Variants in UBE3D observed in about 807,000 individuals in gnomAD.
The protein encoded by UBE3D is ubiquitin protein ligase E3D, also known as E3 ubiquitin-protein ligase E3D.
A neutral mutation model predicts 49.6 loss-of-function variants in UBE3D; 48 were observed. The observed-to-expected ratio is 0.97, with a 90% CI of 0.77 to 1.23. UBE3D has a LOEUF of 1.23. UBE3D is among the 50% of genes most tolerant of loss of function. UBE3D has a pLI of 0.00. For synonymous variants in UBE3D, 189 were observed against 174.2 expected, an observed-to-expected ratio of 1.08 and a Z score of -0.67; for missense variants, 452 against 468.4, an observed-to-expected ratio of 0.96 and a Z score of 0.32.
chr6:82,983,433 GT>G (rs1262765103), intron 8 of UBE3D, among the ~76,000 whole-genome samples: 2 of 152,090 alleles, frequency 1.3e-5, no homozygotes, highest in Non-Finnish European at 2.9e-5. Context: ...ATCCCTGGTT[GT>G]TTTTAGTAGG....
chr6:83,009,298 A>G (rs1780190202), intron 8 of UBE3D, among the ~76,000 whole-genome samples: 1 of 152,158 alleles, frequency 6.6e-6, no homozygotes, highest in Non-Finnish European at 1.5e-5. Flanking sequence ...AGTTACCAAT[A>G]GGTAAATAAT....
At chr6:82,920,472 T>C (rs1418877840) in intron 9 of UBE3D, among the ~76,000 whole-genome samples, 1 of 152,218 alleles carries the variant, frequency 6.6e-6, no homozygotes, top group Non-Finnish European at 1.5e-5. Context: ...CCTTTTAAAA[T>C]AACAATGCAC....
Position 83,046,712 on chromosome 6 carries a change from C to T in UBE3D, c.366-2053G>A, listed in dbSNP as rs548487148. On this transcript the variant is annotated intron_variant, in intron 3 of 9. Coordinates refer to ENST00000369747, the MANE Select transcript of UBE3D (RefSeq NM_198920.3). ...GTGGCACCGGGGGAGCAGTACAGAT[C>T]CCTTTGAATATTTAAGAAAAGTGTT... 2.0e-5 allele frequency among the ~76,000 whole-genome samples: 3 copies of T among 148,168 alleles called. No individual in the cohort carries two copies. In the East Asian group the frequency reaches 6.0e-4, roughly 29 times the overall value.
At chr6:82,889,539 C>T (rs140459653), downstream of UBE3D, among the ~76,000 whole-genome samples, 1 of 152,292 alleles carries the variant, frequency 6.6e-6, no homozygotes, top group East Asian at 1.9e-4. Context: ...TTTAACAATG[C>T]AGCTCTTGAT....
At chr6:82,940,356 T>G (rs1224625617) in intron 9 of UBE3D, among the ~76,000 whole-genome samples, 1 of 152,146 alleles carries the variant, frequency 6.6e-6, no homozygotes, top group African/African-American at 2.4e-5. Flanking sequence ...TCAGAAATTG[T>G]TTTGAGGAGA....
rs577185286 is a variant in UBE3D at position 83,019,832 on chromosome 6, C to G, written c.847-696G>C. On this transcript the variant is annotated intron_variant, in intron 7 of 9. Transcript: ENST00000369747. ...TTGTTCTACCTTGAGACAAGAGTCCCTAGCTTTCTGTGCCCCAGGATCAAA... is the reference window on the plus strand; with the variant it reads ...TTGTTCTACCTTGAGACAAGAGTCCGTAGCTTTCTGTGCCCCAGGATCAAA... Among the ~76,000 whole-genome samples, 3 of 152,302 alleles carry G rather than the reference C, an allele frequency of 2.0e-5. No individual in the cohort carries two copies. The East Asian group carries it at 5.8e-4, about 29-fold the overall frequency.
chr6:82,948,212 G>A (rs1775541345), intron 9 of UBE3D, among the ~76,000 whole-genome samples: 1 of 151,836 alleles, frequency 6.6e-6, no homozygotes, highest in South Asian at 2.1e-4. Context: ...AACTGATACT[G>A]CAGAAACTCA....
At chr6:82,942,648 C>A (rs941609887) in intron 9 of UBE3D, among the ~76,000 whole-genome samples, 2 of 152,248 alleles carry the variant, frequency 1.3e-5, no homozygotes, top group African/African-American at 4.8e-5. Context: ...AGGGTGCAAG[C>A]CCCAAGCCCT....
intron 9 of UBE3D, among the ~76,000 whole-genome samples, chr6:82,945,747 A>T (rs1775356357): frequency 6.6e-6 from 1 of 152,210 alleles, no homozygotes; most frequent in Non-Finnish European, 1.5e-5. Flanking sequence ...TGTGTTGAGG[A>T]AATTCAATGA....
intron 8 of UBE3D, among the ~76,000 whole-genome samples, chr6:82,992,491 G>A (rs1384045484): frequency 1.3e-5 from 2 of 152,110 alleles, no homozygotes; most frequent in East Asian, 1.9e-4. Context: ...CCAAAGTGCT[G>A]GGATTACAGG....
intron 1 of UBE3D, 146 bp downstream of exon 1, chr6:83,065,496 A>G: frequency 4.2e-6 from 3 of 717,910 alleles, no homozygotes; most frequent in Non-Finnish European, 6.8e-6. Flanking sequence ...CTACAGGGGA[A>G]AGCTTCACTT....
At chr6:82,977,113 C>CAAAAAAAAAAAAAAAAAAA (rs58424434) in intron 8 of UBE3D, among the ~76,000 whole-genome samples, 2 of 42,572 alleles carry the variant, frequency 4.7e-5, no homozygotes, top group African/African-American at 1.1e-4. Flanking sequence ...GACTCCATCT[C>CAAAAAAAAAAAAAAAAAAA]AAAAAAAAAA....
chr6:82,906,451 T>C (rs1772107176), intron 9 of UBE3D, among the ~76,000 whole-genome samples: 1 of 152,218 alleles, frequency 6.6e-6, no homozygotes, highest in South Asian at 2.1e-4. Context: ...TAAAAACCTC[T>C]TCAACTTAGA....
chr6:82,895,131 T>C (rs2127711828), intron 9 of UBE3D, among the ~76,000 whole-genome samples: 1 of 152,090 alleles, frequency 6.6e-6, no homozygotes, highest in African/African-American at 2.4e-5. Context: ...GCCAATATGG[T>C]AAAACCCTGT....
intron 1 of UBE3D, among the ~76,000 whole-genome samples, chr6:83,064,004 C>T (rs1475246641): frequency 6.6e-6 from 1 of 151,950 alleles, no homozygotes; most frequent in East Asian, 1.9e-4. Flanking sequence ...AATAGGAGAA[C>T]AGATAAATGA....
intron 9 of UBE3D, among the ~76,000 whole-genome samples, chr6:82,949,412 G>A (rs150053129): frequency 6.6e-6 from 1 of 151,822 alleles, no homozygotes; most frequent in African/African-American, 2.4e-5. Context: ...TGGACTGGAA[G>A]AATCAATATT....
chr6:82,918,482 A>G (rs1402173435), intron 9 of UBE3D, among the ~76,000 whole-genome samples: 5 of 152,178 alleles, frequency 3.3e-5, no homozygotes, highest in Non-Finnish European at 7.3e-5. Context: ...TTACTCAGTG[A>G]AAAAGTTGAA....
At position 83,064,213 on chromosome 6, in the gene UBE3D, CTTT is replaced by C. The variant is rs879807388; in HGVS notation, c.77+1426_77+1428del. Among the ~76,000 whole-genome samples, 3 of 151,400 alleles carry C rather than the reference CTTT, an allele frequency of 2.0e-5. 1 individual carries two copies. In the South Asian group the frequency reaches 6.3e-4, roughly 32 times the overall value. On this transcript the variant is annotated intron_variant, in intron 1 of 9. Coordinates refer to ENST00000369747, the MANE Select transcript of UBE3D (RefSeq NM_198920.3). ...AACTAAGTCCAGCAAAGTTAGGTTT[CTTT>C]TTTTTTCTTTTTATTTTTTATTTTT... is the stretch of plus-strand genomic sequence containing the variant.
chr6:83,040,070 T>A (rs1582718446), intron 4 of UBE3D, among the ~76,000 whole-genome samples: 1 of 152,096 alleles, frequency 6.6e-6, no homozygotes, highest in Non-Finnish European at 1.5e-5. Context: ...TGTATGTGTG[T>A]TATCAGATCT....
Sources: allele counts gnomAD v4.1 joint callset (sites outside exome capture counted in the v4.1 genomes callset), GRCh38; gene constraint gnomAD v4.1.1; transcripts MANE v1.5; gene names NCBI Gene and HGNC (gene_info 2026-07-23, HGNC 2026-07-21).